Variants in CYP2C19 observed in about 807,000 individuals in gnomAD.
The protein encoded by CYP2C19 is cytochrome P450 family 2 subfamily C member 19.
Under a neutral mutation model 40.9 loss-of-function variants are expected in CYP2C19, and 59 were observed. That is an observed-to-expected ratio of 1.44 (90% CI 1.17 to 1.79). The LOEUF (loss-of-function observed/expected upper bound fraction) is 1.79, where lower values mean the gene tolerates loss of function less well. Among genes scored for constraint, CYP2C19 ranks in the 40% most tolerant of loss-of-function variants. The pLI is 0.00. For synonymous variants in CYP2C19, 253 were observed against 208.7 expected, an observed-to-expected ratio of 1.21 and a Z score of -1.83; for missense variants, 754 against 596.9, an observed-to-expected ratio of 1.26 and a Z score of -2.74.
chr10:94,850,916 C>A (rs1049965086), intron 8 of CYP2C19, among the ~76,000 whole-genome samples: 1 of 152,174 alleles, frequency 6.6e-6, no homozygotes, highest in African/African-American at 2.4e-5. Flanking sequence ...GATCTCCACA[C>A]GTGAAATGTG....
intron 8 of CYP2C19, among the ~76,000 whole-genome samples, chr10:94,852,355 C>G (rs77088779): frequency 2.5e-3 from 383 of 152,310 alleles, no homozygotes; most frequent in Non-Finnish European, 4.9e-3. Flanking sequence ...GCCTCCTCCC[C>G]TAAGCCCTTC....
rs999828379 is a variant in CYP2C19 at position 94,777,217 on chromosome 10, C to T, written c.481+1678C>T. On this transcript the variant is annotated intron_variant, in intron 3 of 8. Coordinates refer to ENST00000371321, the MANE Select transcript of CYP2C19 (RefSeq NM_000769.4). ...GTAAGAATCAATATTGTGAAAATGG[C>T]CATATTGCCAAAAGTAATTTATAGG... 3.3e-5 allele frequency among the ~76,000 whole-genome samples: 5 copies of T among 152,090 alleles called. No individual in the cohort carries two copies. In the East Asian group the frequency reaches 7.7e-4, roughly 23 times the overall value.
chr10:94,827,413 G>T (rs1327252747), intron 6 of CYP2C19, among the ~76,000 whole-genome samples: 3 of 151,924 alleles, frequency 2.0e-5, no homozygotes, highest in South Asian at 4.2e-4. Flanking sequence ...GTCGAGGAAT[G>T]TATCCATTTC....
At position 94,855,353 on chromosome 10, in the gene CYP2C19, T is replaced by G. The variant is rs1244823057; in HGVS notation, c.*2439T>G. ...CTTTTTAAGTGTCAGAGCCAACAAT[T>G]GGACAAGGGCAATCTGACTGGAAAG... On this transcript the variant is annotated 3_prime_UTR_variant, in exon 9 of 9. Transcript: ENST00000371321. Among the ~76,000 whole-genome samples, 1 of 152,232 alleles carries G rather than the reference T, an allele frequency of 6.6e-6. No individual in the cohort carries two copies. Among genetic ancestry groups the G allele is most frequent in the African/African-American group, 2.4e-5 (1 of 41,464 alleles).
intron 5 of CYP2C19, among the ~76,000 whole-genome samples, chr10:94,800,084 T>C (rs1239846317): frequency 6.6e-6 from 1 of 152,220 alleles, no homozygotes; most frequent in Non-Finnish European, 1.5e-5. Context: ...GGAGAGGCAC[T>C]CTGGTTTTTA....
At chr10:94,780,398 A>G in intron 3 of CYP2C19, 101 bp from the exon 4 acceptor site, 1 of 1,452,790 alleles carries the variant, frequency 6.9e-7, no homozygotes, top group Non-Finnish European at 9.3e-7. Context: ...CATAGGTAAG[A>G]TATTACTTAA....
chr10:94,811,660 T>A (rs1355089905), intron 5 of CYP2C19, among the ~76,000 whole-genome samples: 1 of 152,126 alleles, frequency 6.6e-6, no homozygotes, highest in Non-Finnish European at 1.5e-5. Flanking sequence ...TTAATCTTTG[T>A]TGGTTTAAAG....
chr10:94,823,455 A>G (rs1849160892), intron 6 of CYP2C19, among the ~76,000 whole-genome samples: 1 of 152,208 alleles, frequency 6.6e-6, no homozygotes, highest in South Asian at 2.1e-4. Context: ...CTTGCTTCCT[A>G]AAATTCAGCA....
intron 1 of CYP2C19, chr10:94,774,744 T>G: frequency 3.2e-6 from 1 of 308,634 alleles, no homozygotes. Flanking sequence ...TGTGGGACAC[T>G]GAAAATGAAT....
At chr10:94,838,454 C>G (rs575229751) in intron 6 of CYP2C19, among the ~76,000 whole-genome samples, 25 of 152,268 alleles carry the variant, frequency 1.6e-4, no homozygotes, top group Middle Eastern at 3.4e-3. Flanking sequence ...ATCAATATAG[C>G]CATCAGGGTT....
At chr10:94,804,072 G>T (rs1025216426) in intron 5 of CYP2C19, among the ~76,000 whole-genome samples, 2 of 152,138 alleles carry the variant, frequency 1.3e-5, no homozygotes, top group African/African-American at 4.8e-5. Context: ...GAAGAGTGGG[G>T]TGGCTAGGAC....
chr10:94,769,997 G>T (rs1394010242), intron 1 of CYP2C19, among the ~76,000 whole-genome samples: 1 of 152,172 alleles, frequency 6.6e-6, no homozygotes, highest in Non-Finnish European at 1.5e-5. Context: ...AACTGAGGAG[G>T]TGGGAGAAAT....
At chr10:94,776,233 T>G (rs1449220468) in intron 3 of CYP2C19, 2 of 152,178 alleles carry the variant, frequency 1.3e-5, no homozygotes, top group African/African-American at 4.8e-5. Flanking sequence ...AAATGTCTAT[T>G]TATAAAATAA....
At position 94,798,931 on chromosome 10, in the gene CYP2C19, A is replaced by G. The variant is rs1203013998; in HGVS notation, c.819+16934A>G. On this transcript the variant is annotated intron_variant, in intron 5 of 8. Coordinates refer to ENST00000371321, the MANE Select transcript of CYP2C19 (RefSeq NM_000769.4). ...GAGATGCATCTCCTGAATACAGCAC[A>G]CTGATGGGTCTTGACTTTTTATCCG... 2.0e-5 allele frequency among the ~76,000 whole-genome samples: 3 copies of G among 149,932 alleles called. No homozygotes were observed. The East Asian group carries it at 5.9e-4, about 30-fold the overall frequency.
chr10:94,851,253 C>A (rs776939254), intron 8 of CYP2C19, among the ~76,000 whole-genome samples: 4 of 146,968 alleles, frequency 2.7e-5, no homozygotes, highest in Non-Finnish European at 4.6e-5. Flanking sequence ...AGAGAGAGAG[C>A]AAAGAGGAAA....
chr10:94,803,947 C>A (rs946280875), intron 5 of CYP2C19, among the ~76,000 whole-genome samples: 1 of 152,100 alleles, frequency 6.6e-6, no homozygotes, highest in Non-Finnish European at 1.5e-5. Context: ...TGCACAGGCA[C>A]AGGAAGAGTG....
chr10:94,800,638 AG>A (rs1236310773), intron 5 of CYP2C19, among the ~76,000 whole-genome samples: 1 of 152,164 alleles, frequency 6.6e-6, no homozygotes, highest in African/African-American at 2.4e-5. Context: ...GATTCTATAG[AG>A]GCAGTAGGCC....
At chr10:94,811,633 T>C (rs1176988269) in intron 5 of CYP2C19, among the ~76,000 whole-genome samples, 2 of 152,140 alleles carry the variant, frequency 1.3e-5, no homozygotes, top group African/African-American at 2.4e-5. Flanking sequence ...TAACATTATA[T>C]GATACCACCC....
chr10:94,780,711 G>A lies in CYP2C19; in HGVS notation c.642+52G>A, dbSNP rs769261797. ...GAAACCACTTACAGTCTTTTTTTCT[G>A]GGAAATCCAAAATTCTATATTGACC... On this transcript the variant is annotated intron_variant, in intron 4 of 8. Coordinates refer to ENST00000371321, the MANE Select transcript of CYP2C19 (RefSeq NM_000769.4). 3.8e-6 allele frequency: 6 copies of A among 1,599,284 alleles called. No individual in the cohort carries two copies. The South Asian group carries it at 4.4e-5, about 12-fold the overall frequency.
Sources: allele counts gnomAD v4.1 joint callset (sites outside exome capture counted in the v4.1 genomes callset), GRCh38; gene constraint gnomAD v4.1.1; transcripts MANE v1.5; gene names NCBI Gene and HGNC (gene_info 2026-07-23, HGNC 2026-07-21).